Variants in MAU2 observed in about 807,000 individuals in gnomAD.
MAU2 encodes MAU2 sister chromatid cohesion factor.
In MAU2, 9 loss-of-function variants were observed where a neutral mutation model predicts 89.1. The observed-to-expected ratio is 0.10, with a 90% CI of 0.06 to 0.18. The LOEUF is 0.18. Among genes scored for constraint, MAU2 ranks in the 10% least tolerant of loss-of-function variants. MAU2 has a pLI of 1.00. For synonymous variants in MAU2, 357 were observed against 343.4 expected, an observed-to-expected ratio of 1.04 and a Z score of -0.44; for missense variants, 425 against 803.5, an observed-to-expected ratio of 0.53 and a Z score of 5.69.
At chr19:19,331,316 G>A (rs2061553531) in intron 1 of MAU2, among the ~76,000 whole-genome samples, 1 of 152,048 alleles carries the variant, frequency 6.6e-6, no homozygotes, top group South Asian at 2.1e-4. Context: ...TGGCTAACAT[G>A]GTGAAACCCG....
chr19:19,341,595 A>C (rs930548317), intron 7 of MAU2, among the ~76,000 whole-genome samples, 188 bp downstream of exon 7: 2 of 152,212 alleles, frequency 1.3e-5, no homozygotes, highest in Admixed American at 6.5e-5. Flanking sequence ...GTATCTGGGA[A>C]CAGGGTCTGT....
At chr19:19,348,706 T>G (rs536768753) in intron 13 of MAU2, 183 bp from the exon 14 acceptor site, 39 of 688,032 alleles carry the variant, frequency 5.7e-5, no homozygotes, top group South Asian at 1.5e-4. Context: ...TGGCTGAGGG[T>G]GTGGAAATCT....
At position 19,344,585 on chromosome 19, in the gene MAU2, G is replaced by A; in HGVS notation, c.1078-264G>A. The stretch of plus-strand genomic sequence containing the variant: ...CCCACCCTCCTGAGAGGGCATGGGG[G>A]CCCTCAGTAGGCTGGAGGTCCTTTA... On this transcript the variant is annotated intron_variant, in intron 10 of 18. Coordinates refer to ENST00000262815, the MANE Select transcript of MAU2 (RefSeq NM_015329.4). 6 of 550,734 alleles carry A rather than the reference G, an allele frequency of 1.1e-5. No homozygotes were observed. In the South Asian group the frequency reaches 1.1e-4, roughly 10 times the overall value. The allele number at this position is 550,734 out of a possible 1,614,324, so 34.1% of individuals were successfully genotyped here.
chr19:19,321,846 C>G (rs1257980264), intron 1 of MAU2: 4 of 152,120 alleles, frequency 2.6e-5, no homozygotes, highest in Admixed American at 6.6e-5. Flanking sequence ...GCAGCTCCTG[C>G]TTTTTCTCCA....
intron 1 of MAU2, chr19:19,334,160 T>C (rs968579318): frequency 3.1e-5 from 31 of 985,228 alleles, no homozygotes; most frequent in Non-Finnish European, 2.7e-5. Context: ...ACGTTGCCAC[T>C]GTCCCCACAC....
At position 19,344,673 on chromosome 19, in the gene MAU2, G is replaced by A. The variant is rs2061679698; in HGVS notation, c.1078-176G>A. On this transcript the variant is annotated intron_variant, in intron 10 of 18. Coordinates refer to ENST00000262815, the MANE Select transcript of MAU2 (RefSeq NM_015329.4). ...GTAACAGACAAGGGTCCCTGTCCAC[G>A]ATGGGATCTGGGCTGCCCTTTGCCC... The A allele has an allele frequency of 6.5e-6, 4 of 614,584 alleles. 1 individual carries two copies. The highest frequency in any genetic ancestry group is 3.7e-5 in the South Asian group (2 of 54,496). 38.1% of individuals were successfully genotyped at this position (614,584 alleles called of 1,614,324 possible).
At chr19:19,355,242 C>T (rs1792758443) in intron 17 of MAU2, 22 bp from the exon 18 acceptor site, 1 of 1,613,476 alleles carries the variant, frequency 6.2e-7, no homozygotes, top group Non-Finnish European at 8.5e-7. Flanking sequence ...GGCGGGCCCC[C>T]ATGCTCATGT....
chr19:19,338,600 G>C (rs1265722351), intron 4 of MAU2, among the ~76,000 whole-genome samples: 1 of 152,204 alleles, frequency 6.6e-6, no homozygotes, highest in Admixed American at 6.5e-5. Context: ...GCTCCATTAA[G>C]TTTAGATAGT....
intron 7 of MAU2, among the ~76,000 whole-genome samples, chr19:19,342,033 T>C (rs569326601): frequency 5.3e-5 from 8 of 152,110 alleles, no homozygotes; most frequent in Non-Finnish European, 1.0e-4. Context: ...TCGTTGCCCA[T>C]TGGGTGAAGC....
chr19:19,325,746 C>T (rs1033823935), intron 1 of MAU2, among the ~76,000 whole-genome samples: 18 of 152,014 alleles, frequency 1.2e-4, no homozygotes, highest in African/African-American at 4.3e-4. Context: ...CCCAAAATGC[C>T]GGGATTACAG....
At chr19:19,327,719 G>T (rs561711281) in intron 1 of MAU2, among the ~76,000 whole-genome samples, 2 of 151,948 alleles carry the variant, frequency 1.3e-5, no homozygotes, top group African/African-American at 4.8e-5. Flanking sequence ...TGGTGTCTCG[G>T]TGACTCTTGC....
chr19:19,342,427 A>C, intron 7 of MAU2, 108 bp from the exon 8 acceptor site: 1 of 1,368,844 alleles, frequency 7.3e-7, no homozygotes, highest in Non-Finnish European at 9.7e-7. Flanking sequence ...GCCCTGGCAG[A>C]AGGGGAAGGC....
intron 1 of MAU2, among the ~76,000 whole-genome samples, chr19:19,325,321 G>A (rs1000634080): frequency 2.6e-5 from 4 of 151,062 alleles, no homozygotes; most frequent in South Asian, 4.2e-4. Context: ...GATTACAGGC[G>A]CCCACCACCA....
intron 13 of MAU2, 23 bp downstream of exon 13, chr19:19,347,389 G>A (rs1456715516): frequency 7.0e-6 from 11 of 1,570,414 alleles, no homozygotes; most frequent in East Asian, 4.5e-5. Flanking sequence ...CTTCATGTTC[G>A]GTATCCTTTC....
intron 6 of MAU2, 88 bp downstream of exon 6, chr19:19,340,961 T>A: frequency 1.3e-6 from 2 of 1,554,098 alleles, no homozygotes; most frequent in Non-Finnish European, 1.8e-6. Flanking sequence ...CCCCACCCAC[T>A]CTCCATGGCA....
rs757103052 is a variant in MAU2, at chr19:19,355,807, C to T, written c.*25C>T. On this transcript the variant is annotated 3_prime_UTR_variant, in exon 19 of 19. Coordinates refer to ENST00000262815, the MANE Select transcript of MAU2 (RefSeq NM_015329.4). Reference sequence around the variant, plus strand: ...AGGCCTTGATGGGGCCATCCAGCTCCGCAGGGCCTGCGCGTCTCCGGCTTC... The same window carrying T: ...AGGCCTTGATGGGGCCATCCAGCTCTGCAGGGCCTGCGCGTCTCCGGCTTC... The T allele has an allele frequency of 1.7e-5, 27 of 1,597,078 alleles. No homozygotes were observed. Among genetic ancestry groups the T allele is most frequent in the South Asian group, 1.2e-4 (11 of 90,978 alleles).
At chr19:19,335,618 C>T (rs573731009) in intron 1 of MAU2, 100 bp from the exon 2 acceptor site, 142 of 1,215,508 alleles carry the variant, frequency 1.2e-4, no homozygotes, top group African/African-American at 8.7e-4. Context: ...TACCTGGCAG[C>T]CTCTGTTCTC....
Position 19,348,799 on chromosome 19 carries a change from G to A in MAU2, c.1309-90G>A, listed in dbSNP as rs1568665545. On this transcript the variant is annotated intron_variant, in intron 13 of 18. Transcript: ENST00000262815. ...TGGAGGCCACAGTCCCGACGGGGGTGTAGAGAAATTCCCATGCACTGCAGT... is the reference window on the plus strand; with the variant it reads ...TGGAGGCCACAGTCCCGACGGGGGTATAGAGAAATTCCCATGCACTGCAGT... 12 of 1,384,004 alleles carry A rather than the reference G, an allele frequency of 8.7e-6. No individual in the cohort carries two copies. In the Admixed American group the frequency reaches 2.0e-4, roughly 23 times the overall value. The allele number at this position is 1,384,004 out of a possible 1,614,324, so 85.7% of individuals were successfully genotyped here.
At chr19:19,338,814 A>G (rs1461771307) in intron 4 of MAU2, 31 bp from the exon 5 acceptor site, 1 of 1,560,534 alleles carries the variant, frequency 6.4e-7, no homozygotes, top group Non-Finnish European at 8.8e-7. Context: ...TGGGTTTGGC[A>G]GCAAAGGTCA....
Sources: allele counts gnomAD v4.1 joint callset (sites outside exome capture counted in the v4.1 genomes callset), GRCh38; gene constraint gnomAD v4.1.1; transcripts MANE v1.5; gene names NCBI Gene and HGNC (gene_info 2026-07-23, HGNC 2026-07-21).